DPH6: variants seen among roughly 807,000 people sequenced by gnomAD.
DPH6 encodes the protein diphthamine biosynthesis 6, also known as diphthine--ammonia ligase.
Under a neutral mutation model 38.2 loss-of-function variants are expected in DPH6, and 33 were observed. The ratio of observed to expected loss-of-function variants is 0.86; its 90% CI spans 0.65 to 1.15. The LOEUF is 1.15. Among genes scored for constraint, DPH6 ranks in the 50% most tolerant of loss-of-function variants. The pLI, the probability that DPH6 is intolerant of heterozygous loss-of-function variation, is 0.00. For synonymous variants in DPH6, 108 were observed against 103.0 expected (o/e 1.05, Z -0.30); for missense variants, 325 against 320.0 (o/e 1.02, Z -0.12).
chr15:35,487,359 C>T (rs903088327), intron 3 of DPH6, among the ~76,000 whole-genome samples: 2 of 152,232 alleles, frequency 1.3e-5, no homozygotes, highest in Non-Finnish European at 2.9e-5. Flanking sequence ...CAGACTTCTG[C>T]CTGGACATCG....
chr15:35,257,772 T>TTGTGTGTGTG (rs60955022), intron 3 of DPH6, among the ~76,000 whole-genome samples: 68,424 of 148,522 alleles, frequency 0.46, 18,303 homozygotes, highest in Non-Finnish European at 0.61. Flanking sequence ...GGTCTCAGCT[T>TTGTGTGTGTG]TGTGTGTGTG....
At chr15:35,297,709 T>C (rs781491824) in intron 3 of DPH6, among the ~76,000 whole-genome samples, 4 of 152,096 alleles carry the variant, frequency 2.6e-5, no homozygotes, top group Non-Finnish European at 5.9e-5. Context: ...AGCTCTGACT[T>C]TGAGTTCTAG....
At chr15:35,380,924 G>T (rs986404812) in intron 7 of DPH6, among the ~76,000 whole-genome samples, 4 of 152,112 alleles carry the variant, frequency 2.6e-5, no homozygotes, top group African/African-American at 9.7e-5. Flanking sequence ...ATTATTAATG[G>T]AAAAGAAATT....
At chr15:35,481,248 T>A (rs549572504) in intron 3 of DPH6, among the ~76,000 whole-genome samples, 65 of 152,250 alleles carry the variant, frequency 4.3e-4, no homozygotes, top group African/African-American at 1.5e-3. Context: ...AACTACCAAG[T>A]TACAGGAAAT....
exon 4 of DPH6, chr15:35,330,879 C>A (rs2052322192): frequency 6.6e-6 from 1 of 151,964 alleles, no homozygotes; most frequent in South Asian, 2.1e-4. Flanking sequence ...AATAAATAAA[C>A]CTGTTAATTT....
chr15:35,240,779 C>T (rs1361612795), intron 3 of DPH6, among the ~76,000 whole-genome samples: 1 of 143,842 alleles, frequency 7.0e-6, no homozygotes. Flanking sequence ...GTCAAAAGGC[C>T]GTCTTATTCT....
the DPH6 span, among the ~76,000 whole-genome samples, chr15:35,145,395 G>C: frequency 6.6e-6 from 1 of 152,264 alleles, no homozygotes; most frequent in Non-Finnish European, 1.5e-5. Flanking sequence ...AACTGTCCTA[G>C]AATTTGGGAA....
chr15:35,292,018 T>G (rs2051983646), intron 3 of DPH6, among the ~76,000 whole-genome samples: 1 of 152,122 alleles, frequency 6.6e-6, no homozygotes, highest in Non-Finnish European at 1.5e-5. Flanking sequence ...GTCTTCTTGC[T>G]TCCTCATATA....
chr15:35,261,991 A>C (rs1157331150), intron 3 of DPH6, among the ~76,000 whole-genome samples: 1 of 152,162 alleles, frequency 6.6e-6, no homozygotes, highest in Non-Finnish European at 1.5e-5. Context: ...CAAAGGTGAC[A>C]GGGGTGGAGA....
intron 5 of DPH6, among the ~76,000 whole-genome samples, chr15:35,443,958 T>G (rs1401040922): frequency 6.6e-6 from 1 of 152,132 alleles, no homozygotes; most frequent in Non-Finnish European, 1.5e-5. Flanking sequence ...TTTCAACCTT[T>G]TCTGATAATT....
At chr15:35,249,481 T>C (rs541624105) in intron 3 of DPH6, among the ~76,000 whole-genome samples, 1 of 152,310 alleles carries the variant, frequency 6.6e-6, no homozygotes, top group African/African-American at 2.4e-5. Context: ...TATAAATCTA[T>C]GTTCCTGGGG....
chr15:35,536,339 C>T (rs937049410), intron 3 of DPH6, among the ~76,000 whole-genome samples: 78 of 151,856 alleles, frequency 5.1e-4, no homozygotes, highest in Non-Finnish European at 1.6e-4. Flanking sequence ...TATTTCTACA[C>T]AGGAAAAGAA....
intron 7 of DPH6, among the ~76,000 whole-genome samples, chr15:35,376,824 C>T (rs1354947819): frequency 6.6e-6 from 1 of 152,106 alleles, no homozygotes; most frequent in African/African-American, 2.4e-5. Flanking sequence ...TAGGAGCATA[C>T]AGCCTAGGTA....
chr15:35,538,768 T>A (rs1309617990), intron 2 of DPH6, among the ~76,000 whole-genome samples: 1 of 152,142 alleles, frequency 6.6e-6, no homozygotes, highest in Non-Finnish European at 1.5e-5. Flanking sequence ...ATGTATCCAA[T>A]AAATTTTGAT....
intron 3 of DPH6, chr15:35,237,241 G>C: frequency 8.2e-7 from 1 of 1,215,062 alleles, no homozygotes; most frequent in Middle Eastern, 2.3e-4. Flanking sequence ...AGCGGAGCTG[G>C]TTGAGCCTTG....
intron 5 of DPH6, among the ~76,000 whole-genome samples, chr15:35,432,698 G>A (rs2053647658): frequency 1.3e-5 from 2 of 152,282 alleles, no homozygotes; most frequent in South Asian, 4.2e-4. Context: ...GATAATTGGG[G>A]CTGAGAGGAA....
the DPH6 span, among the ~76,000 whole-genome samples, chr15:35,206,454 C>G: frequency 6.6e-6 from 1 of 152,124 alleles, no homozygotes. Flanking sequence ...CTGCTCTTTC[C>G]CTCTCTGCCT....
chr15:35,287,721 T>C (rs1448918856), intron 3 of DPH6, among the ~76,000 whole-genome samples: 3 of 151,790 alleles, frequency 2.0e-5, no homozygotes, highest in Admixed American at 2.0e-4. Context: ...CTTACTTAAA[T>C]TTTTTTTTCT....
At chr15:35,251,529 T>C (rs318332) in intron 3 of DPH6, among the ~76,000 whole-genome samples, 98,616 of 152,054 alleles carry the variant, frequency 0.65, 33,572 homozygotes, top group Non-Finnish European at 0.77. Context: ...CTTCAGAGCT[T>C]GGACATAAGG....
Sources: allele counts gnomAD v4.1 joint callset (sites outside exome capture counted in the v4.1 genomes callset), GRCh38; gene constraint gnomAD v4.1.1; transcripts MANE v1.5; gene names NCBI Gene and HGNC (gene_info 2026-07-23, HGNC 2026-07-21).